The following SLCO3A1 variants were observed in gnomAD, a reference collection of about 807,000 sequenced individuals.
The protein encoded by SLCO3A1 is solute carrier organic anion transporter family member 3A1, also known as PGE1 transporter.
Under a neutral mutation model 63.1 loss-of-function variants are expected in SLCO3A1, and 27 were observed. That is an observed-to-expected ratio of 0.43 (90% CI 0.32 to 0.59). SLCO3A1 has a LOEUF of 0.59. Ranked by LOEUF, SLCO3A1 falls within the 20% of genes least tolerant of loss-of-function variation. The pLI is 0.09. For synonymous variants in SLCO3A1, 473 were observed against 409.9 expected (o/e 1.15, Z -1.86); for missense variants, 773 against 945.8 (o/e 0.82, Z 2.40).
chr15:91,876,168 C>G (rs1897393734), intron 1 of SLCO3A1, among the ~76,000 whole-genome samples: 1 of 152,214 alleles, frequency 6.6e-6, no homozygotes, highest in Non-Finnish European at 1.5e-5. Context: ...TTAAAAGCCA[C>G]CTCCTGCTAA....
intron 1 of SLCO3A1, among the ~76,000 whole-genome samples, chr15:91,893,669 G>A (rs547950622): frequency 3.9e-5 from 6 of 152,298 alleles, no homozygotes; most frequent in African/African-American, 9.6e-5. Flanking sequence ...CATTCAGACC[G>A]TACAGTCTTT....
chr15:92,109,047 A>G (rs558092274), intron 4 of SLCO3A1, among the ~76,000 whole-genome samples: 1 of 152,282 alleles, frequency 6.6e-6, no homozygotes, highest in South Asian at 2.1e-4. Context: ...TGTAGGTGAT[A>G]CTGGTTGAAT....
At chr15:92,037,807 G>A (rs902218623) in intron 2 of SLCO3A1, among the ~76,000 whole-genome samples, 2 of 152,142 alleles carry the variant, frequency 1.3e-5, no homozygotes, top group African/African-American at 4.8e-5. Flanking sequence ...CCTTCAGCTG[G>A]TTTTTAATTT....
intron 2 of SLCO3A1, among the ~76,000 whole-genome samples, chr15:91,953,505 G>A (rs916966212): frequency 5.9e-5 from 9 of 152,198 alleles, no homozygotes; most frequent in African/African-American, 1.9e-4. Flanking sequence ...GCCAGGAGGA[G>A]TAGGTGTTTG....
chr15:92,087,444 T>A (rs1270305412), intron 2 of SLCO3A1, among the ~76,000 whole-genome samples: 1 of 152,214 alleles, frequency 6.6e-6, no homozygotes, highest in African/African-American at 2.4e-5. Context: ...TTAGCATTTC[T>A]ATGAACAATT....
chr15:91,982,555 A>C lies in SLCO3A1; in HGVS notation c.646+66097A>C, dbSNP rs537716921. 4.6e-5 allele frequency among the ~76,000 whole-genome samples: 7 copies of C among 152,366 alleles called. No homozygotes were observed. The South Asian group carries it at 1.4e-3, about 32-fold the overall frequency. On this transcript the variant is annotated intron_variant, in intron 2 of 9. Transcript: ENST00000318445. Reference sequence around the variant, plus strand: ...TTCCAAAATGAGAAACAACCAAGTCAAGCTTTTCTGGGCAAAAGCAGTGTT... The same window carrying C: ...TTCCAAAATGAGAAACAACCAAGTCCAGCTTTTCTGGGCAAAAGCAGTGTT...
chr15:92,133,206 G>A (rs1450687936), intron 7 of SLCO3A1, among the ~76,000 whole-genome samples: 2 of 145,972 alleles, frequency 1.4e-5, no homozygotes, highest in African/African-American at 5.0e-5. Context: ...CATGTCCCTC[G>A]GGGGATATCA....
At chr15:92,043,118 A>G (rs1365752805) in intron 2 of SLCO3A1, among the ~76,000 whole-genome samples, 1 of 145,754 alleles carries the variant, frequency 6.9e-6, no homozygotes, top group Non-Finnish European at 1.5e-5. Flanking sequence ...TGATGTTAGT[A>G]GTTGGCCAAC....
intron 7 of SLCO3A1, among the ~76,000 whole-genome samples, chr15:92,143,969 C>T (rs777899768): frequency 3.3e-5 from 5 of 152,112 alleles, no homozygotes; most frequent in African/African-American, 7.2e-5. Flanking sequence ...GCCAGGTCAC[C>T]AGAGGTGGGC....
chr15:91,880,686 A>G (rs1466785816), intron 1 of SLCO3A1, among the ~76,000 whole-genome samples: 1 of 151,974 alleles, frequency 6.6e-6, no homozygotes, highest in African/African-American at 2.4e-5. Flanking sequence ...TGTTGCATAT[A>G]TCAATAATTC....
chr15:91,956,993 G>GTATATATAATATATAGTA (rs370413709), intron 2 of SLCO3A1, among the ~76,000 whole-genome samples: 1 of 7,968 alleles, frequency 1.3e-4, no homozygotes, highest in Non-Finnish European at 1.6e-4. Flanking sequence ...ATAATATATA[G>GTATATATAATATATAGTA]TATATATTAT....
At chr15:91,972,896 G>A (rs1399348685) in intron 2 of SLCO3A1, among the ~76,000 whole-genome samples, 1 of 152,178 alleles carries the variant, frequency 6.6e-6, no homozygotes, top group Admixed American at 6.5e-5. Context: ...CGAGGCAGGC[G>A]GATCACCTGA....
chr15:91,853,709 C>T lies in SLCO3A1; in HGVS notation c.-200C>T. The T allele has an allele frequency of 3.1e-6, 1 of 321,774 alleles. No individual in the cohort carries two copies. The highest frequency in any genetic ancestry group is 4.6e-6 in the Non-Finnish European group (1 of 218,178). The allele number at this position is 321,774 out of a possible 1,614,324, so 19.9% of individuals were successfully genotyped here. A position where few individuals can be genotyped will look rare whatever the true frequency, so the allele number is the denominator to read the frequency against. On this transcript the variant is annotated 5_prime_UTR_variant, in exon 1 of 10. Transcript: ENST00000318445. The stretch of plus-strand genomic sequence containing the variant: ...GCGGGGGAGGAGGAGGAGGAAGGGG[C>T]GATCGCGGCGGCGGCGGCGGCGGCG...
At chr15:92,157,589 C>T (rs999650022) in intron 9 of SLCO3A1, among the ~76,000 whole-genome samples, 2 of 151,586 alleles carry the variant, frequency 1.3e-5, no homozygotes, top group Non-Finnish European at 2.9e-5. Context: ...CTCCCAGGTT[C>T]AAGCGATTCT....
chr15:91,993,461 A>G (rs1176383678), intron 2 of SLCO3A1, among the ~76,000 whole-genome samples: 14 of 152,254 alleles, frequency 9.2e-5, no homozygotes, highest in Admixed American at 9.2e-4. Context: ...AATGGCTCAG[A>G]AAGTAGATAG....
intron 2 of SLCO3A1, among the ~76,000 whole-genome samples, chr15:92,016,233 A>AT (rs150936192): frequency 0.017 from 1,002 of 59,360 alleles, 17 homozygotes; most frequent in African/African-American, 0.082. Context: ...AGATAGATAG[A>AT]TAGATAGATA....
At chr15:91,929,728 C>A (rs1248382869) in intron 2 of SLCO3A1, among the ~76,000 whole-genome samples, 4 of 152,136 alleles carry the variant, frequency 2.6e-5, no homozygotes, top group African/African-American at 7.2e-5. Context: ...TGGCAACCAC[C>A]ATTCTACTTT....
chr15:92,010,238 C>A (rs766143568), intron 2 of SLCO3A1, among the ~76,000 whole-genome samples: 1 of 152,320 alleles, frequency 6.6e-6, no homozygotes, highest in East Asian at 1.9e-4. Flanking sequence ...TTCAGTGTTT[C>A]TCTAAAGTGT....
intron 9 of SLCO3A1, among the ~76,000 whole-genome samples, chr15:92,151,412 G>C (rs1567149326): frequency 6.6e-6 from 1 of 152,274 alleles, no homozygotes; most frequent in East Asian, 1.9e-4. Flanking sequence ...CTTGAAAATG[G>C]AAACTTTGCA....
Sources: allele counts gnomAD v4.1 joint callset (sites outside exome capture counted in the v4.1 genomes callset), GRCh38; gene constraint gnomAD v4.1.1; transcripts MANE v1.5; gene names NCBI Gene and HGNC (gene_info 2026-07-23, HGNC 2026-07-21).